Variants in GRPEL1 observed in about 807,000 individuals in gnomAD.
GRPEL1 encodes the protein GrpE like 1, mitochondrial.
GRPEL1 carries 13 observed loss-of-function variants against 22.1 expected under a neutral mutation model. The ratio of observed to expected loss-of-function variants is 0.59; its 90% CI spans 0.38 to 0.94. GRPEL1 has a LOEUF of 0.94. Ranked by LOEUF, GRPEL1 falls within the 40% of genes least tolerant of loss-of-function variation. The pLI, the probability that GRPEL1 is intolerant of heterozygous loss-of-function variation, is 0.00. For synonymous variants in GRPEL1, 109 were observed against 105.3 expected (o/e 1.03, Z -0.21); for missense variants, 289 against 264.6 (o/e 1.09, Z -0.64).
At chr4:7,066,372 G>A (rs947755374) in intron 1 of GRPEL1, among the ~76,000 whole-genome samples, 3 of 152,178 alleles carry the variant, frequency 2.0e-5, no homozygotes, top group African/African-American at 7.2e-5. Flanking sequence ...CCATTTATTG[G>A]ATACACTTTG....
intron 1 of GRPEL1, among the ~76,000 whole-genome samples, chr4:7,066,383 G>C (rs1560401989): frequency 6.6e-6 from 1 of 152,184 alleles, no homozygotes; most frequent in Non-Finnish European, 1.5e-5. Context: ...ATACACTTTG[G>C]ATGTTCTGTT....
rs759632829 is a variant in GRPEL1, at chr4:7,062,453, C to T, written c.239G>A (p.Arg80Gln). The change falls in exon 3 of 4, where the codon CGA becomes CAA. Residue 80 changes from arginine to glutamine, a missense_variant. By Grantham distance (43) the Arg-to-Gln change is conservative. Transcript: ENST00000264954. ...QLKETVEKYK[R>Q]ALADTENLRQ... The stretch of plus-strand genomic sequence containing the variant: ...TAAGTTCTCAGTGTCTGCCAAAGCT[C>T]GTTTATATTTTTCCTAAAAGAGAAA... 3.3e-6 allele frequency: 5 copies of T among 1,524,852 alleles called. No homozygotes were observed. Among genetic ancestry groups the T allele is most frequent in the Non-Finnish European group, 3.5e-6 (4 of 1,126,988 alleles). The allele number at this position is 1,524,852 out of a possible 1,614,324, so 94.5% of individuals were successfully genotyped here. A position where few individuals can be genotyped will look rare whatever the true frequency, so the allele number is the denominator to read the frequency against.
At chr4:7,067,781 T>A (rs929479244) in intron 1 of GRPEL1, among the ~76,000 whole-genome samples, 190 bp downstream of exon 1, 5 of 152,216 alleles carry the variant, frequency 3.3e-5, no homozygotes, top group African/African-American at 1.2e-4. Context: ...TCCCAAGCCC[T>A]GAGCTGGCAG....
In GRPEL1 at chr4:7,060,821, A is replaced by G. The variant is rs1349463385; in HGVS notation, c.*41T>C. The G allele has an allele frequency of 6.7e-7, 1 of 1,491,480 alleles. No individual in the cohort carries two copies. The highest frequency in any genetic ancestry group is 1.9e-5 in the Admixed American group (1 of 53,216). 92.4% of individuals were successfully genotyped at this position (1,491,480 alleles called of 1,614,324 possible). ...AAACAATGAACCAGCCTTGAGAGTTACATCAAGTGAGTTTAAAAACACCCA... is the reference window on the plus strand; with the variant it reads ...AAACAATGAACCAGCCTTGAGAGTTGCATCAAGTGAGTTTAAAAACACCCA... On this transcript the variant is annotated 3_prime_UTR_variant, in exon 4 of 4. Transcript: ENST00000264954.
In GRPEL1 at chr4:7,062,485, G is replaced by GAGATTTTT. The variant is rs60458218; in HGVS notation, c.226-20_226-19insAAAAATCT. 2 of 379,080 alleles carry GAGATTTTT rather than the reference G, an allele frequency of 5.3e-6. No homozygotes were observed. The highest frequency in any genetic ancestry group is 7.7e-6 in the Non-Finnish European group (2 of 258,132). 23.5% of individuals were successfully genotyped at this position (379,080 alleles called of 1,614,324 possible). On this transcript the variant is annotated intron_variant, in intron 2 of 3. Coordinates refer to ENST00000264954, the MANE Select transcript of GRPEL1 (RefSeq NM_025196.4). ...ATTTTTCCTAAAAGAGAAAAAAAGG[G>GAGATTTTT]ATATTTATATATATATATATATATA...
At chr4:7,064,689 G>A (rs1407503930) in intron 1 of GRPEL1, among the ~76,000 whole-genome samples, 2 of 152,052 alleles carry the variant, frequency 1.3e-5, no homozygotes, top group Non-Finnish European at 2.9e-5. Flanking sequence ...AGTAGCGATG[G>A]GGTTTCACTA....
intron 1 of GRPEL1, among the ~76,000 whole-genome samples, chr4:7,066,701 C>A (rs902867087): frequency 6.6e-6 from 1 of 152,170 alleles, no homozygotes; most frequent in African/African-American, 2.4e-5. Context: ...TCACAGACCC[C>A]TTTCCGAAGC....
chr4:7,065,245 TGGCTCACGCCAGTAA>T (rs1354677431), intron 1 of GRPEL1, among the ~76,000 whole-genome samples: 1 of 152,230 alleles, frequency 6.6e-6, no homozygotes, highest in African/African-American at 2.4e-5. Context: ...ACAGGTTCGC[TGGCTCACGCCAGTAA>T]TCCCAGCACT....
chr4:7,059,713 TTC>T lies in GRPEL1; in HGVS notation c.*1147_*1148del, dbSNP rs1723991464. 1 of 152,300 alleles carries T rather than the reference TTC, an allele frequency of 6.6e-6. No homozygotes were observed. The highest frequency in any genetic ancestry group is 2.4e-5 in the African/African-American group (1 of 41,510). The allele number at this position is 152,300 out of a possible 1,614,324, so 9.4% of individuals were successfully genotyped here. ...GAAGCAAAGGCAGCGAAAGGTTCTT[TTC>T]TCTTTTTTGTAACAGACGCCAATCA... On this transcript the variant is annotated 3_prime_UTR_variant, in exon 4 of 4. Coordinates refer to ENST00000264954, the MANE Select transcript of GRPEL1 (RefSeq NM_025196.4).
At chr4:7,063,659 C>T (rs958903574) in intron 2 of GRPEL1, among the ~76,000 whole-genome samples, 1 of 152,182 alleles carries the variant, frequency 6.6e-6, no homozygotes, top group Non-Finnish European at 1.5e-5. Context: ...AGTAATAATC[C>T]ATGTTACTAG....
At position 7,061,134 on chromosome 4, in the gene GRPEL1, C is replaced by T. The variant is rs780632435; in HGVS notation, c.382G>A (p.Glu128Lys). The T allele has an allele frequency of 7.4e-6, 12 of 1,614,220 alleles. No individual in the cohort carries two copies. The highest frequency in any genetic ancestry group is 5.5e-5 in the South Asian group (5 of 91,088). The change falls in exon 4 of 4, where the codon GAA (glutamate) becomes AAA (lysine). Residue 128 changes from glutamate (E) to lysine (K), a missense_variant. Transcript: ENST00000264954. Reference protein sequence around the residue: ...LEKATQCVPKEEIKDDNPHLK... With the variant: ...LEKATQCVPKKEIKDDNPHLK... The stretch of plus-strand genomic sequence containing the variant: ...TGAGGGTTATCGTCTTTAATTTCTT[C>T]TTTTGGAACACACTGTGTTGCCTTC...
At chr4:7,065,551 C>G (rs1724146759) in intron 1 of GRPEL1, among the ~76,000 whole-genome samples, 1 of 149,810 alleles carries the variant, frequency 6.7e-6, no homozygotes, top group African/African-American at 2.5e-5. Flanking sequence ...AAAAAGGGAA[C>G]TAAGTGCTTT....
In GRPEL1 at chr4:7,064,213, G is replaced by A. The variant is rs146360027; in HGVS notation, c.73C>T (p.Arg25Trp). 7 of 1,612,084 alleles carry A rather than the reference G, an allele frequency of 4.3e-6. No individual in the cohort carries two copies. Among genetic ancestry groups the A allele is most frequent in the African/African-American group, 1.3e-5 (1 of 74,858 alleles). ...TGTTTCGTGGCTGTGCACAACAACC[G>A]GGGAGATGGCCTACAGGGAAGTCCA... ...ALALSLRPSP[R>W]LLCTATKQKN... The change falls in exon 2 of 4, where the codon CGG (arginine) becomes TGG (tryptophan). Residue 25 changes from arginine to tryptophan, a missense_variant. Arg to Trp is a moderately radical substitution (Grantham distance 101, BLOSUM62 -3). Transcript: ENST00000264954.
Position 7,064,211 on chromosome 4 carries a change from C to G in GRPEL1, c.75G>C (p.Arg25=). 6.2e-7 allele frequency: 1 copy of G among 1,612,520 alleles called. No homozygotes were observed. Among genetic ancestry groups the G allele is most frequent in the Non-Finnish European group, 8.5e-7 (1 of 1,179,136 alleles). ...ALALSLRPSP[R]LLCTATKQKN... is the part of the protein sequence containing the mutation. ...TTTGTTTCGTGGCTGTGCACAACAA[C>G]CGGGGAGATGGCCTACAGGGAAGTC... The change falls in exon 2 of 4, where the codon CGG becomes CGC. Residue 25 remains arginine, a synonymous_variant. Transcript: ENST00000264954.
In GRPEL1 at chr4:7,060,371, GTTC is replaced by G. The variant is rs2108790145; in HGVS notation, c.*488_*490del. The G allele has an allele frequency of 6.4e-6, 1 of 157,266 alleles. No homozygotes were observed. Among genetic ancestry groups the G allele is most frequent in the East Asian group, 1.9e-4 (1 of 5,284 alleles). The allele number at this position is 157,266 out of a possible 1,614,324, so 9.7% of individuals were successfully genotyped here. Reference sequence around the variant, plus strand: ...GACTGAAGACAAACGAACTCACTATGTTCTTCACAAAGATCATTTTTTTTAAGT... The same window carrying G: ...GACTGAAGACAAACGAACTCACTATGTTCACAAAGATCATTTTTTTTAAGT... On this transcript the variant is annotated 3_prime_UTR_variant, in exon 4 of 4. Transcript: ENST00000264954.
chr4:7,065,306 G>A (rs767770343), intron 1 of GRPEL1, among the ~76,000 whole-genome samples: 19 of 152,232 alleles, frequency 1.2e-4, no homozygotes, highest in Non-Finnish European at 2.4e-4. Flanking sequence ...CTTGAGATCA[G>A]GAGTTCGGGA....
chr4:7,066,404 A>T (rs1190109095), intron 1 of GRPEL1, among the ~76,000 whole-genome samples: 2 of 152,260 alleles, frequency 1.3e-5, no homozygotes. Context: ...AAGAAATGCA[A>T]CTTACAGAGA....
intron 2 of GRPEL1, among the ~76,000 whole-genome samples, chr4:7,063,117 CAG>C (rs1724084534): frequency 6.7e-6 from 1 of 149,480 alleles, no homozygotes; most frequent in Non-Finnish European, 1.5e-5. Context: ...TTTTCTGAGA[CAG>C]GGTCTTGCTC....
chr4:7,067,853 C>G, intron 1 of GRPEL1, 118 bp downstream of exon 1: 2 of 1,060,806 alleles, frequency 1.9e-6, no homozygotes, highest in Non-Finnish European at 2.8e-6. Context: ...ACCGCGAGCC[C>G]GGAGATGCCC....
Sources: gnomAD v4.1 joint callset for allele counts (sites outside exome capture counted in the v4.1 genomes callset) on GRCh38, gnomAD v4.1.1 for gene constraint, MANE v1.5 for transcripts, NCBI Gene and HGNC (gene_info 2026-07-23, HGNC 2026-07-21) for gene names.